Variants in MSRB2 observed in about 807,000 individuals in gnomAD.
The protein encoded by MSRB2 is methionine sulfoxide reductase B2.
In MSRB2, 17 loss-of-function variants were observed where a neutral mutation model predicts 19.0. That is an observed-to-expected ratio of 0.89 (90% CI 0.61 to 1.34). The LOEUF is 1.34. MSRB2 is among the 40% of genes most tolerant of loss of function. The pLI, the probability that MSRB2 is intolerant of heterozygous loss-of-function variation, is 0.00. For missense variants in MSRB2, 208 were observed against 237.6 expected, an observed-to-expected ratio of 0.88 and a Z score of 0.82; for synonymous variants, 107 against 99.7, an observed-to-expected ratio of 1.07 and a Z score of -0.44.
chr10:23,098,696 G>A (rs1289929071), intron 1 of MSRB2, among the ~76,000 whole-genome samples: 3 of 152,170 alleles, frequency 2.0e-5, no homozygotes, highest in African/African-American at 7.2e-5. Flanking sequence ...TCATTCCCAA[G>A]TGAGAGACCT....
At chr10:23,106,129 T>A (rs766280898) in intron 2 of MSRB2, among the ~76,000 whole-genome samples, 1 of 152,230 alleles carries the variant, frequency 6.6e-6, no homozygotes, top group Non-Finnish European at 1.5e-5. Flanking sequence ...TGGTGCAATA[T>A]ACTCTCTGCA....
At chr10:23,111,448 G>A (rs1254548332) in intron 3 of MSRB2, among the ~76,000 whole-genome samples, 2 of 152,202 alleles carry the variant, frequency 1.3e-5, no homozygotes, top group Non-Finnish European at 2.9e-5. Context: ...ACCAGGCAGT[G>A]CTCTGTCTCC....
At chr10:23,099,359 A>G (rs1281081402) in intron 1 of MSRB2, among the ~76,000 whole-genome samples, 1 of 152,206 alleles carries the variant, frequency 6.6e-6, no homozygotes, top group Non-Finnish European at 1.5e-5. Flanking sequence ...ATGTTGCATA[A>G]TTGGTGCTTG....
At chr10:23,112,365 A>G (rs1177772967) in intron 3 of MSRB2, among the ~76,000 whole-genome samples, 1 of 152,250 alleles carries the variant, frequency 6.6e-6, no homozygotes, top group African/African-American at 2.4e-5. Flanking sequence ...TAAGATTGCC[A>G]AGGTGTATAT....
intron 3 of MSRB2, among the ~76,000 whole-genome samples, chr10:23,118,706 T>C (rs1156322143): frequency 1.3e-5 from 2 of 152,172 alleles, no homozygotes; most frequent in African/African-American, 4.8e-5. Flanking sequence ...CAGTTTCCCC[T>C]CAAATCCTCA....
At chr10:23,106,126 A>G (rs1166664253) in intron 2 of MSRB2, among the ~76,000 whole-genome samples, 2 of 152,204 alleles carry the variant, frequency 1.3e-5, no homozygotes, top group African/African-American at 4.8e-5. Flanking sequence ...AGATGGTGCA[A>G]TATACTCTCT....
rs867912033 is a variant in MSRB2, at chr10:23,112,824, T to C, written c.296+2506T>C. On this transcript the variant is annotated intron_variant, in intron 3 of 4. Coordinates refer to ENST00000376510, the MANE Select transcript of MSRB2 (RefSeq NM_012228.4). ...GTCTTGATCTCCTGACCTCAGGTGA[T>C]CCACCCGCTTTGGCCTCCCAAAGTG... Among the ~76,000 whole-genome samples the C allele has an allele frequency of 2.2e-4, 33 of 152,300 alleles. 1 individual carries two copies. Among genetic ancestry groups the C allele is most frequent in the African/African-American group, 5.8e-4 (24 of 41,562 alleles).
chr10:23,106,963 A>C (rs1241723500), intron 2 of MSRB2, among the ~76,000 whole-genome samples: 1 of 152,184 alleles, frequency 6.6e-6, no homozygotes, highest in Non-Finnish European at 1.5e-5. Flanking sequence ...AGACCTTGCA[A>C]TCCCAGGGGA....
In MSRB2 at chr10:23,119,388, A is replaced by G. The variant is rs761407050; in HGVS notation, c.381A>G (p.Thr127=). The change falls in exon 4 of 5, where the codon ACA becomes ACG. Residue 127 remains threonine, a synonymous_variant. Coordinates refer to ENST00000376510, the MANE Select transcript of MSRB2 (RefSeq NM_012228.4). The part of the protein sequence containing the change: ...HGTSGSDESH[T]GILRRLDTSL... ...CGTCTGGCTCTGATGAAAGCCACACAGGGATCCTGAGACGTCTGGATACCT... is the reference window on the plus strand; with the variant it reads ...CGTCTGGCTCTGATGAAAGCCACACGGGGATCCTGAGACGTCTGGATACCT... The G allele has an allele frequency of 6.2e-7, 1 of 1,614,116 alleles. No homozygotes were observed. The highest frequency in any genetic ancestry group is 1.7e-5 in the Admixed American group (1 of 60,032).
intron 3 of MSRB2, 136 bp downstream of exon 3, chr10:23,110,454 T>C: frequency 1.4e-6 from 1 of 694,812 alleles, no homozygotes; most frequent in Non-Finnish European, 2.4e-6. Flanking sequence ...TCATTTTGCA[T>C]TGTTGCTGTA....
chr10:23,119,119 G>A, intron 3 of MSRB2, 185 bp from the exon 4 acceptor site: 1 of 725,240 alleles, frequency 1.4e-6, no homozygotes, highest in Non-Finnish European at 2.4e-6. Context: ...GAGAGGCAAT[G>A]GCTTCGATAG....
chr10:23,105,568 C>T (rs980943399), intron 2 of MSRB2, among the ~76,000 whole-genome samples: 4 of 152,126 alleles, frequency 2.6e-5, no homozygotes, highest in Non-Finnish European at 4.4e-5. Flanking sequence ...AACATAGTGC[C>T]GCGTTGCTTA....
chr10:23,098,162 G>C (rs1407047007), intron 1 of MSRB2, among the ~76,000 whole-genome samples: 1 of 152,186 alleles, frequency 6.6e-6, no homozygotes, highest in African/African-American at 2.4e-5. Flanking sequence ...CTGCAGATCA[G>C]AATGGGCTGG....
At chr10:23,105,864 C>T (rs1839983077) in intron 2 of MSRB2, among the ~76,000 whole-genome samples, 1 of 152,234 alleles carries the variant, frequency 6.6e-6, no homozygotes, top group Admixed American at 6.5e-5. Flanking sequence ...CCCTGAAATG[C>T]TGGTATTTTT....
chr10:23,105,787 C>G (rs1839982242), intron 2 of MSRB2, among the ~76,000 whole-genome samples: 1 of 152,212 alleles, frequency 6.6e-6, no homozygotes, highest in Non-Finnish European at 1.5e-5. Flanking sequence ...CCATTGTAAT[C>G]ATGGTCTCAC....
At position 23,096,352 on chromosome 10, in the gene MSRB2, C is replaced by CTCTGTGTGTGTGTGTGTGTGTG. The variant is rs144653384; in HGVS notation, c.118+627_118+628insCTGTGTGTGTGTGTGTGTGTGT. 3.8e-3 allele frequency among the ~76,000 whole-genome samples: 545 copies of CTCTGTGTGTGTGTGTGTGTGTG among 142,810 alleles called. 6 individuals are homozygous for CTCTGTGTGTGTGTGTGTGTGTG. The highest frequency in any genetic ancestry group is 0.014 in the African/African-American group (502 of 36,552). 93.7% of individuals were successfully genotyped at this position (142,810 alleles called of 152,430 possible). On this transcript the variant is annotated intron_variant, in intron 1 of 4. Transcript: ENST00000376510. Reference sequence around the variant, plus strand: ...TGTGTGTGTGTGTCTCTCTCTCTCTCTGTGTGTGTGTGTGTGTGTGTTTCT... The same window carrying CTCTGTGTGTGTGTGTGTGTGTG: ...TGTGTGTGTGTGTCTCTCTCTCTCTCTCTGTGTGTGTGTGTGTGTGTGTGTGTGTGTGTGTGTGTGTGTTTCT...
chr10:23,109,473 G>T (rs1840026053), intron 2 of MSRB2, among the ~76,000 whole-genome samples: 1 of 151,000 alleles, frequency 6.6e-6, no homozygotes, highest in Non-Finnish European at 1.5e-5. Context: ...AACCTGGGAG[G>T]CAGAGGTTGC....
intron 3 of MSRB2, among the ~76,000 whole-genome samples, chr10:23,115,954 A>C (rs1198278076): frequency 6.6e-6 from 1 of 152,202 alleles, no homozygotes; most frequent in Non-Finnish European, 1.5e-5. Context: ...GGATTAAAAG[A>C]TACTTAATGA....
rs547836794 is a variant in MSRB2 at position 23,121,788 on chromosome 10, G to A, written c.*926G>A. ...TGCTAGCACTGAAGAGCAGGATTAC[G>A]GAGGAGCTGTGCTCTGGGAGCATAT... is the stretch of plus-strand genomic sequence containing the variant. On this transcript the variant is annotated 3_prime_UTR_variant, in exon 5 of 5. Coordinates refer to ENST00000376510, the MANE Select transcript of MSRB2 (RefSeq NM_012228.4). 1.4e-4 allele frequency: 21 copies of A among 152,322 alleles called. No homozygotes were observed. Among genetic ancestry groups the A allele is most frequent in the Middle Eastern group, 3.4e-3 (1 of 294 alleles). 9.4% of individuals were successfully genotyped at this position (152,322 alleles called of 1,614,324 possible). A position where few individuals can be genotyped will look rare whatever the true frequency, so the allele number is the denominator to read the frequency against.
Sources: gnomAD v4.1 joint callset for allele counts (sites outside exome capture counted in the v4.1 genomes callset) on GRCh38, gnomAD v4.1.1 for gene constraint, MANE v1.5 for transcripts, NCBI Gene and HGNC (gene_info 2026-07-23, HGNC 2026-07-21) for gene names.